AKAP13: variants seen among roughly 807,000 people sequenced by gnomAD.
The protein encoded by AKAP13 is A-kinase anchor protein 13.
Under a neutral mutation model 264.5 loss-of-function variants are expected in AKAP13, and 80 were observed. That is an observed-to-expected ratio of 0.30 (90% CI 0.25 to 0.36). The LOEUF is 0.36. Ranked by LOEUF, AKAP13 falls within the 10% of genes least tolerant of loss-of-function variation. The pLI, the probability that AKAP13 is intolerant of heterozygous loss-of-function variation, is 1.00. For missense variants in AKAP13, 3,712 were observed against 3,435.2 expected, an observed-to-expected ratio of 1.08 and a Z score of -2.01; for synonymous variants, 1,380 against 1,250.2, an observed-to-expected ratio of 1.10 and a Z score of -2.19.
chr15:85,644,146 C>G (rs1437578756), intron 9 of AKAP13, among the ~76,000 whole-genome samples: 2 of 152,038 alleles, frequency 1.3e-5, no homozygotes, highest in African/African-American at 2.4e-5. Flanking sequence ...TTAGTGTCAC[C>G]TACAAATTTG....
Position 85,741,185 on chromosome 15 carries a change from A to T in AKAP13, c.7748A>T (p.Asp2583Val), listed in dbSNP as rs775783582. The T allele has an allele frequency of 4.3e-6, 7 of 1,611,274 alleles. No homozygotes were observed. The highest frequency in any genetic ancestry group is 5.9e-6 in the Non-Finnish European group (7 of 1,178,856). Residue 2583 changes from aspartate to valine, a missense_variant, in exon 35 of 37, where the codon GAC becomes GTC. Physicochemically the swap from Asp to Val is radical, Grantham distance 152. This residue lies in a region of AKAP13 where 611 missense variants were observed against 539.3 expected (regional missense o/e 1.13). Transcript: ENST00000394518. The part of the protein sequence containing the change: ...KQRSLEKQRQ[D>V]LANLQKQQAQ... ...CGCAGCCTGGAGAAGCAGCGCCAGG[A>T]CCTGGCCAACCTGCAGAAGCAGCAG...
chr15:85,557,099 A>G (rs1283480886), intron 5 of AKAP13, among the ~76,000 whole-genome samples: 1 of 152,240 alleles, frequency 6.6e-6, no homozygotes, highest in Non-Finnish European at 1.5e-5. Flanking sequence ...TGTGATCTAA[A>G]GAAACATTTT....
At chr15:85,552,305 G>A (rs2077985779) in intron 5 of AKAP13, among the ~76,000 whole-genome samples, 1 of 152,156 alleles carries the variant, frequency 6.6e-6, no homozygotes. Context: ...TTGAACTACA[G>A]ACAGTTATAA....
intron 7 of AKAP13, among the ~76,000 whole-genome samples, chr15:85,584,399 A>G (rs2079251493): frequency 6.6e-6 from 1 of 152,158 alleles, no homozygotes; most frequent in South Asian, 2.1e-4. Flanking sequence ...TGATAGGTAT[A>G]GGAAAGGAAG....
intron 5 of AKAP13, among the ~76,000 whole-genome samples, chr15:85,562,234 T>G (rs1250578642): frequency 6.6e-6 from 1 of 152,154 alleles, no homozygotes; most frequent in African/African-American, 2.4e-5. Context: ...TAGAAACCAG[T>G]ATTTAATGAG....
chr15:85,525,343 C>T (rs1489616178), intron 3 of AKAP13, among the ~76,000 whole-genome samples: 2 of 152,178 alleles, frequency 1.3e-5, no homozygotes, highest in Non-Finnish European at 1.5e-5. Context: ...CAGTTGTGAG[C>T]CACCGTGCCC....
intron 8 of AKAP13, among the ~76,000 whole-genome samples, chr15:85,629,209 A>G (rs556074574): frequency 6.6e-6 from 1 of 152,202 alleles, no homozygotes; most frequent in African/African-American, 2.4e-5. Context: ...GAAGGAAGTG[A>G]GGGAAGGAGG....
intron 5 of AKAP13, among the ~76,000 whole-genome samples, chr15:85,567,647 C>T (rs1197203378): frequency 6.6e-6 from 1 of 152,116 alleles, no homozygotes; most frequent in Non-Finnish European, 1.5e-5. Context: ...CCACATTCCT[C>T]TTCTGTGTGC....
At chr15:85,487,863 C>A (rs761974733) in intron 2 of AKAP13, among the ~76,000 whole-genome samples, 75 of 151,922 alleles carry the variant, frequency 4.9e-4, no homozygotes, top group Non-Finnish European at 9.6e-4. Flanking sequence ...TCCTGAGTAG[C>A]TAGGACTACA....
chr15:85,669,766 A>G lies in AKAP13; in HGVS notation c.5037A>G (p.Ser1679=). The change falls in exon 14 of 37, where the codon TCA becomes TCG. Residue 1679 remains serine (S), a synonymous_variant. Transcript: ENST00000394518. Reference sequence around the variant, plus strand: ...AGCAGGGATTTAATTACTGTACATCAGCCATTTCCTCTCCATTGACAAAAT... The same window carrying G: ...AGCAGGGATTTAATTACTGTACATCGGCCATTTCCTCTCCATTGACAAAAT... The part of the protein sequence containing the change: ...SKQQGFNYCT[S]AISSPLTKSI... 1 of 1,613,822 alleles carries G rather than the reference A, an allele frequency of 6.2e-7. No homozygotes were observed. The highest frequency in any genetic ancestry group is 1.1e-5 in the South Asian group (1 of 91,074).
At chr15:85,715,961 T>C (rs367836878) in intron 20 of AKAP13, 38 bp downstream of exon 20, 19 of 1,593,268 alleles carry the variant, frequency 1.2e-5, no homozygotes, top group Non-Finnish European at 1.6e-5. Context: ...AGTTGGCATC[T>C]AGGTGACCAG....
At chr15:85,470,181 CG>C (rs1567073632) in intron 1 of AKAP13, among the ~76,000 whole-genome samples, 1 of 152,046 alleles carries the variant, frequency 6.6e-6, no homozygotes, top group Non-Finnish European at 1.5e-5. Flanking sequence ...CCCAGCTACT[CG>C]GGAGGCTGAG....
At chr15:85,498,765 G>C (rs553165816) in intron 2 of AKAP13, among the ~76,000 whole-genome samples, 1 of 152,114 alleles carries the variant, frequency 6.6e-6, no homozygotes, top group Non-Finnish European at 1.5e-5. Flanking sequence ...TCTCTAGGGC[G>C]CTGGCTCTTG....
intron 1 of AKAP13, among the ~76,000 whole-genome samples, chr15:85,429,757 T>G (rs1363634595): frequency 6.6e-6 from 1 of 152,204 alleles, no homozygotes; most frequent in Non-Finnish European, 1.5e-5. Context: ...CTGGCGAGAT[T>G]TTAATTCAGT....
chr15:85,622,126 T>G (rs974431838), intron 8 of AKAP13, among the ~76,000 whole-genome samples: 1 of 152,214 alleles, frequency 6.6e-6, no homozygotes, highest in Non-Finnish European at 1.5e-5. Context: ...AGCCACGGGT[T>G]ACAGTCTTTA....
intron 17 of AKAP13, among the ~76,000 whole-genome samples, chr15:85,698,996 A>T (rs2151657904): frequency 6.6e-6 from 1 of 151,582 alleles, no homozygotes; most frequent in African/African-American, 2.4e-5. Context: ...TGTGGGCCTA[A>T]TTCAGCCCAA....
At chr15:85,566,259 A>G (rs1030811232) in intron 5 of AKAP13, among the ~76,000 whole-genome samples, 2 of 152,254 alleles carry the variant, frequency 1.3e-5, no homozygotes, top group African/African-American at 4.8e-5. Context: ...CCTTAGTGGT[A>G]CATAAGATGA....
Position 85,736,117 on chromosome 15 carries a change from C to T in AKAP13, c.7540C>T (p.Leu2514Phe). The change falls in exon 33 of 37, where the codon CTT becomes TTT. Residue 2514 changes from leucine (L) to phenylalanine (F), a missense_variant. Physicochemically the swap from Leu to Phe is conservative, Grantham distance 22 (BLOSUM62 0). Coordinates refer to ENST00000394518, the MANE Select transcript of AKAP13 (RefSeq NM_007200.5). ...TGGAAATGCTAACCTGGTATTTATG[C>T]TTAAAAGAAACAGTGAGGTAAGGAC... The part of the protein sequence containing the change: ...KGGNANLVFM[L>F]KRNSEQVVQS... The T allele has an allele frequency of 1.2e-6, 2 of 1,605,160 alleles. No individual in the cohort carries two copies. The highest frequency in any genetic ancestry group is 1.7e-6 in the Non-Finnish European group (2 of 1,172,538).
intron 35 of AKAP13, among the ~76,000 whole-genome samples, chr15:85,741,721 CAA>C (rs1567225940): frequency 1.3e-5 from 1 of 77,904 alleles, no homozygotes; most frequent in African/African-American, 5.5e-5. Context: ...AAAAAACAAA[CAA>C]ACAAACAAAA....
Sources: allele counts gnomAD v4.1 joint callset (sites outside exome capture counted in the v4.1 genomes callset), GRCh38; gene constraint gnomAD v4.1.1; regional missense constraint gnomAD v4.1.1; transcripts MANE v1.5; gene names NCBI Gene and HGNC (gene_info 2026-07-23, HGNC 2026-07-21).